DCDC1: variants seen among roughly 807,000 people sequenced by gnomAD.
The protein encoded by DCDC1 is doublecortin domain-containing protein 1.
In DCDC1, 200 loss-of-function variants were observed where a neutral mutation model predicts 178.3. The observed-to-expected ratio is 1.12, with a 90% CI of 1.00 to 1.26. DCDC1 has a LOEUF of 1.26. Among genes scored for constraint, DCDC1 ranks in the 50% most tolerant of loss-of-function variants. The pLI, the probability that DCDC1 is intolerant of heterozygous loss-of-function variation, is 0.00. For missense variants in DCDC1, 1,983 were observed against 1,749.2 expected (o/e 1.13, Z -2.38); for synonymous variants, 690 against 604.8 (o/e 1.14, Z -2.07).
At chr11:31,362,436 AG>A (rs1564933177) in intron 1 of DCDC1, among the ~76,000 whole-genome samples, 3 of 152,196 alleles carry the variant, frequency 2.0e-5, no homozygotes, top group Non-Finnish European at 4.4e-5. Flanking sequence ...ACATCAGACA[AG>A]GTAGTAATTT....
At chr11:31,262,786 T>C in intron 8 of DCDC1, 1 of 328,946 alleles carries the variant, frequency 3.0e-6, no homozygotes, top group Non-Finnish European at 5.5e-6. Context: ...AAAAAAGAAG[T>C]TCAAAAACCT....
At chr11:31,166,209 C>A (rs913655504) in intron 9 of DCDC1, among the ~76,000 whole-genome samples, 2 of 152,126 alleles carry the variant, frequency 1.3e-5, no homozygotes, top group Admixed American at 1.3e-4. Flanking sequence ...AGCAATTCAA[C>A]TTTGAAGCAA....
intron 9 of DCDC1, among the ~76,000 whole-genome samples, chr11:31,169,243 G>A (rs1028764477): frequency 2.0e-5 from 3 of 152,208 alleles, no homozygotes; most frequent in Admixed American, 2.0e-4. Flanking sequence ...TGGGGTGGGG[G>A]ACAAGGAGAG....
intron 8 of DCDC1, 43 bp from the exon 9 acceptor site, chr11:31,241,659 C>G: frequency 2.5e-6 from 1 of 395,652 alleles, no homozygotes. Flanking sequence ...TGACCCAACC[C>G]AACCGAAATA....
chr11:31,081,778 A>T (rs1957191999), intron 17 of DCDC1, among the ~76,000 whole-genome samples: 2 of 152,166 alleles, frequency 1.3e-5, no homozygotes, highest in African/African-American at 4.8e-5. Flanking sequence ...GGAGCTTACT[A>T]GTATCACTCC....
chr11:31,330,058 C>A (rs1428940284), intron 2 of DCDC1, among the ~76,000 whole-genome samples: 1 of 152,204 alleles, frequency 6.6e-6, no homozygotes, highest in Admixed American at 6.5e-5. Flanking sequence ...CTCTCCAGCA[C>A]CTGTTGTTTC....
At chr11:31,167,469 T>C (rs1472123934) in intron 9 of DCDC1, among the ~76,000 whole-genome samples, 1 of 152,106 alleles carries the variant, frequency 6.6e-6, no homozygotes, top group Non-Finnish European at 1.5e-5. Context: ...TTTGGGAAAA[T>C]TCTCAGATTA....
At chr11:30,912,528 C>T (rs563202571) in intron 27 of DCDC1, among the ~76,000 whole-genome samples, 1 of 152,272 alleles carries the variant, frequency 6.6e-6, no homozygotes, top group South Asian at 2.1e-4. Flanking sequence ...GGTGATCCTC[C>T]CACCTCAGCC....
At chr11:30,873,101 GTCTCTC>G (rs552328701) in intron 38 of DCDC1, among the ~76,000 whole-genome samples, 1 of 145,866 alleles carries the variant, frequency 6.9e-6, no homozygotes, top group South Asian at 2.2e-4. Context: ...GTCTCTCTCT[GTCTCTC>G]TCTCTCTCTC....
intron 1 of DCDC1, among the ~76,000 whole-genome samples, chr11:31,346,069 T>C (rs1402582331): frequency 6.6e-6 from 1 of 152,148 alleles, no homozygotes; most frequent in South Asian, 2.1e-4. Context: ...GGAATACCTA[T>C]GAAGGATTCT....
Position 30,905,134 on chromosome 11 carries a change from T to A in DCDC1, c.4135A>T (p.Thr1379Ser), listed in dbSNP as rs1944967429. Reference protein sequence around the residue: ...VDLSCDKAEKTLSYYQARLLS... With the variant: ...VDLSCDKAEKSLSYYQARLLS... ...AGACGTGCTTGGTAGTAACTTAGAG[T>A]TTTTTCAGCCTTGTCACACGACAAA... Residue 1379 changes from threonine (T) to serine (S), a missense_variant, in exon 31 of 39, where the codon ACT becomes TCT. Transcript: ENST00000684477. 1 of 1,608,876 alleles carries A rather than the reference T, an allele frequency of 6.2e-7. No homozygotes were observed. The highest frequency in any genetic ancestry group is 1.3e-5 in the African/African-American group (1 of 74,708).
At chr11:30,923,821 T>TGCTCAG (rs1038738833) in intron 23 of DCDC1, among the ~76,000 whole-genome samples, 5 of 152,044 alleles carry the variant, frequency 3.3e-5, no homozygotes, top group African/African-American at 1.2e-4. Context: ...TTCGCCACGT[T>TGCTCAG]GCTCAGGGTA....
chr11:31,151,069 C>G (rs929506866), intron 9 of DCDC1, among the ~76,000 whole-genome samples: 1 of 152,174 alleles, frequency 6.6e-6, no homozygotes. Context: ...CTGGGCACGG[C>G]AGATACACTG....
intron 9 of DCDC1, among the ~76,000 whole-genome samples, chr11:31,170,339 C>A (rs974684462): frequency 8.5e-5 from 13 of 152,108 alleles, no homozygotes; most frequent in African/African-American, 2.9e-4. Flanking sequence ...CCAGTTTCTT[C>A]TTTCCTCAAA....
chr11:30,971,015 G>A (rs754315441), intron 20 of DCDC1, among the ~76,000 whole-genome samples: 11 of 152,042 alleles, frequency 7.2e-5, no homozygotes, highest in African/African-American at 9.7e-5. Flanking sequence ...CAGCTGGTGC[G>A]CCCACACACA....
intron 1 of DCDC1, among the ~76,000 whole-genome samples, chr11:31,346,747 T>C (rs1950837475): frequency 6.6e-6 from 1 of 152,184 alleles, no homozygotes; most frequent in African/African-American, 2.4e-5. Flanking sequence ...TGCCTTAAAA[T>C]ACTTCAATAG....
intron 22 of DCDC1, among the ~76,000 whole-genome samples, chr11:30,928,458 C>A: frequency 6.6e-6 from 1 of 150,976 alleles, no homozygotes; most frequent in Non-Finnish European, 1.5e-5. Context: ...TTTAACTACG[C>A]CACTCTTAAT....
chr11:31,150,868 G>T (rs1007563702), intron 9 of DCDC1, among the ~76,000 whole-genome samples: 13 of 152,100 alleles, frequency 8.5e-5, no homozygotes, highest in African/African-American at 3.1e-4. Flanking sequence ...TTGCCAACAG[G>T]CTACTAAACT....
At chr11:30,970,353 G>A (rs2134674227) in intron 20 of DCDC1, among the ~76,000 whole-genome samples, 1 of 152,230 alleles carries the variant, frequency 6.6e-6, no homozygotes, top group Middle Eastern at 3.4e-3. Flanking sequence ...CTGCCCTGGG[G>A]TCCAACAGCC....
Sources: gnomAD v4.1 joint callset for allele counts (sites outside exome capture counted in the v4.1 genomes callset) on GRCh38, gnomAD v4.1.1 for gene constraint, MANE v1.5 for transcripts, NCBI Gene and HGNC (gene_info 2026-07-23, HGNC 2026-07-21) for gene names.